Variants in ARSK observed in about 807,000 individuals in gnomAD.
The protein encoded by ARSK is arylsulfatase K.
Under a neutral mutation model 53.2 loss-of-function variants are expected in ARSK, and 37 were observed. The ratio of observed to expected loss-of-function variants is 0.70; its 90% CI spans 0.54 to 0.92. The LOEUF (loss-of-function observed/expected upper bound fraction) is 0.92, where lower values mean the gene tolerates loss of function less well. Ranked by LOEUF, ARSK falls within the 40% of genes least tolerant of loss-of-function variation. ARSK has a pLI of 0.00. For synonymous variants in ARSK, 208 were observed against 223.2 expected (o/e 0.93, Z 0.61); for missense variants, 613 against 643.0 (o/e 0.95, Z 0.51).
chr5:95,580,583 GGTAGCTT>G (rs1375058469), intron 3 of ARSK, among the ~76,000 whole-genome samples: 3 of 152,154 alleles, frequency 2.0e-5, no homozygotes, highest in Non-Finnish European at 4.4e-5. Flanking sequence ...CTGACTGGAA[GGTAGCTT>G]GGGCCGGAAA....
intron 1 of ARSK, among the ~76,000 whole-genome samples, chr5:95,561,034 C>A (rs995303729): frequency 6.6e-6 from 1 of 152,174 alleles, no homozygotes; most frequent in African/African-American, 2.4e-5. Context: ...TGGTCTCGAT[C>A]TCCTGACCTT....
At chr5:95,593,995 C>G (rs1250547937) in intron 6 of ARSK, among the ~76,000 whole-genome samples, 6 of 152,114 alleles carry the variant, frequency 3.9e-5, no homozygotes, top group Admixed American at 3.3e-4. Context: ...GAAATAAAGT[C>G]AAAAATAAAT....
chr5:95,560,874 G>A (rs563283687), intron 1 of ARSK, among the ~76,000 whole-genome samples: 3 of 149,608 alleles, frequency 2.0e-5, no homozygotes, highest in South Asian at 2.1e-4. Flanking sequence ...GCGCAATCTC[G>A]GCTTACTGCA....
chr5:95,587,348 G>A (rs1049719273), intron 5 of ARSK, among the ~76,000 whole-genome samples: 1 of 152,092 alleles, frequency 6.6e-6, no homozygotes, highest in African/African-American at 2.4e-5. Flanking sequence ...GTTCATGTGT[G>A]GAAAAACCCT....
intron 4 of ARSK, 63 bp from the exon 5 acceptor site, chr5:95,586,499 T>A (rs1749114655): frequency 1.6e-6 from 2 of 1,270,238 alleles, no homozygotes; most frequent in Admixed American, 2.0e-5. Flanking sequence ...TCATACATAC[T>A]TATTGGAGGA....
Position 95,603,485 on chromosome 5 carries a change from G to T in ARSK, c.1570G>T (p.Asp524Tyr), listed in dbSNP as rs780516721. The change falls in exon 8 of 8, where the codon GAT (aspartate) becomes TAT (tyrosine). Residue 524 changes from aspartate (D) to tyrosine (Y), a missense_variant. Coordinates refer to ENST00000380009, the MANE Select transcript of ARSK (RefSeq NM_198150.3). ...ACCAAGGAAGTATGAAAATGCAATT[G>T]ATCAGTGGCTTAAAACCCATATGAA... is the stretch of plus-strand genomic sequence containing the variant. ...KEPRKYENAI[D>Y]QWLKTHMNPR... The T allele has an allele frequency of 6.2e-7, 1 of 1,612,284 alleles. No homozygotes were observed. Among genetic ancestry groups the T allele is most frequent in the Non-Finnish European group, 8.5e-7 (1 of 1,179,458 alleles).
intron 1 of ARSK, among the ~76,000 whole-genome samples, chr5:95,557,777 G>A (rs1748550804): frequency 6.6e-6 from 1 of 152,148 alleles, no homozygotes; most frequent in South Asian, 2.1e-4. Flanking sequence ...TTACTTTCAG[G>A]ATAACAACGC....
intron 7 of ARSK, among the ~76,000 whole-genome samples, chr5:95,601,543 G>A (rs1181295868): frequency 2.0e-5 from 3 of 152,150 alleles, no homozygotes; most frequent in Non-Finnish European, 4.4e-5. Flanking sequence ...CTAAGAAGTA[G>A]CAGAACTGAG....
intron 6 of ARSK, among the ~76,000 whole-genome samples, chr5:95,598,680 T>C (rs1580232462): frequency 6.6e-6 from 1 of 152,276 alleles, no homozygotes; most frequent in East Asian, 1.9e-4. Flanking sequence ...TCACCTAGAG[T>C]AAAAATTCAG....
intron 1 of ARSK, among the ~76,000 whole-genome samples, chr5:95,560,126 G>A (rs968104703): frequency 6.6e-6 from 1 of 152,064 alleles, no homozygotes; most frequent in African/African-American, 2.4e-5. Context: ...TCTAATCAAG[G>A]AAATATAGTT....
chr5:95,560,692 TAAGTA>T (rs1489395919), intron 1 of ARSK, among the ~76,000 whole-genome samples: 1 of 151,794 alleles, frequency 6.6e-6, no homozygotes, highest in East Asian at 1.9e-4. Context: ...AAAAAAACTT[TAAGTA>T]AATTGATTGA....
rs1259716904 is a variant in ARSK at position 95,603,410 on chromosome 5, T to A, written c.1495T>A (p.Tyr499Asn). 1 of 1,613,816 alleles carries A rather than the reference T, an allele frequency of 6.2e-7. No homozygotes were observed. Among genetic ancestry groups the A allele is most frequent in the East Asian group, 2.2e-5 (1 of 44,834 alleles). Residue 499 changes from tyrosine (Y) to asparagine (N), a missense_variant, in exon 8 of 8, where the codon TAT becomes AAT. By Grantham distance (143) the Tyr-to-Asn change is moderately radical (BLOSUM62 -2). Transcript: ENST00000380009. ...IKWKQSIGQN[Y>N]SNVIANLRWH... ...GTGGAAACAAAGTATAGGACAGAAT[T>A]ATTCAAACGTTATAGCAAATCTTAG... is the stretch of plus-strand genomic sequence containing the variant.
intron 3 of ARSK, among the ~76,000 whole-genome samples, chr5:95,579,295 G>C (rs544577001): frequency 2.0e-5 from 3 of 152,266 alleles, no homozygotes; most frequent in African/African-American, 7.2e-5. Context: ...ACATAACCAA[G>C]ACTGGGTAAT....
intron 1 of ARSK, among the ~76,000 whole-genome samples, chr5:95,558,568 A>G (rs1748568219): frequency 6.6e-6 from 1 of 152,224 alleles, no homozygotes; most frequent in Non-Finnish European, 1.5e-5. Flanking sequence ...TTACAAGGGA[A>G]TACTTACATA....
At position 95,583,077 on chromosome 5, in the gene ARSK, A is replaced by C. The variant is rs1362853478; in HGVS notation, c.578A>C (p.Asn193Thr). ...AVNWLRKEAI[N>T]YTEPFVIYLG... The stretch of plus-strand genomic sequence containing the variant: ...AACTGGTTAAGAAAGGAAGCAATTA[A>C]TTACACTGAACCATTTGTTATTTAC... The change falls in exon 4 of 8, where the codon AAT (asparagine) becomes ACT (threonine). Residue 193 changes from asparagine (N) to threonine (T), a missense_variant. By Grantham distance (65) the Asn-to-Thr change is moderately conservative. Transcript: ENST00000380009. The C allele has an allele frequency of 6.2e-7, 1 of 1,613,700 alleles. No homozygotes were observed. Among genetic ancestry groups the C allele is most frequent in the East Asian group, 2.2e-5 (1 of 44,868 alleles).
At chr5:95,561,854 A>G (rs900996006) in intron 1 of ARSK, among the ~76,000 whole-genome samples, 2 of 152,208 alleles carry the variant, frequency 1.3e-5, no homozygotes, top group African/African-American at 4.8e-5. Context: ...AAACCATTGA[A>G]TTGTACACTT....
intron 1 of ARSK, among the ~76,000 whole-genome samples, chr5:95,562,305 A>G (rs1408956616): frequency 6.6e-6 from 1 of 151,848 alleles, no homozygotes; most frequent in African/African-American, 2.4e-5. Context: ...CTGCATCCCC[A>G]CTCCTACTCC....
chr5:95,571,299 G>A (rs551808654), intron 3 of ARSK, among the ~76,000 whole-genome samples: 136 of 152,160 alleles, frequency 8.9e-4, no homozygotes, highest in Non-Finnish European at 1.6e-3. Flanking sequence ...CTTATATTCC[G>A]CAGCAGGATA....
chr5:95,556,155 T>C (rs1331594643), intron 1 of ARSK: 30 of 700,928 alleles, frequency 4.3e-5, no homozygotes, highest in Non-Finnish European at 6.5e-5. Flanking sequence ...GTGTTAAGCA[T>C]ATCTGGCACT....
Sources: gnomAD v4.1 joint callset for allele counts (sites outside exome capture counted in the v4.1 genomes callset) on GRCh38, gnomAD v4.1.1 for gene constraint, MANE v1.5 for transcripts, NCBI Gene and HGNC (gene_info 2026-07-23, HGNC 2026-07-21) for gene names.